The following PLEKHA1 variants were observed in gnomAD, a reference collection of about 807,000 sequenced individuals.
PLEKHA1 encodes pleckstrin homology domain containing A1.
PLEKHA1 carries 34 observed loss-of-function variants against 52.0 expected under a neutral mutation model. That is an observed-to-expected ratio of 0.65 (90% CI 0.50 to 0.87). The LOEUF is 0.87. Among genes scored for constraint, PLEKHA1 ranks in the 40% least tolerant of loss-of-function variants. PLEKHA1 has a pLI of 0.00. For synonymous variants in PLEKHA1, 163 were observed against 170.7 expected, an observed-to-expected ratio of 0.95 and a Z score of 0.35; for missense variants, 497 against 504.2, an observed-to-expected ratio of 0.99 and a Z score of 0.14.
rs774682239 is a variant in PLEKHA1 at position 122,417,883 on chromosome 10, G to C, written c.613-17G>C. The C allele has an allele frequency of 1.3e-6, 2 of 1,587,760 alleles. No individual in the cohort carries two copies. Among genetic ancestry groups the C allele is most frequent in the Non-Finnish European group, 8.6e-7 (1 of 1,157,456 alleles). On this transcript the variant is annotated splice_polypyrimidine_tract_variant and intron_variant, in intron 7 of 11. Coordinates refer to ENST00000368990, the MANE Select transcript of PLEKHA1 (RefSeq NM_001001974.4). ...TCTTAGAAACACAAGTCTTATGTCT[G>C]TGTTCATCTCTGGTAGATGAAAAAC...
intron 8 of PLEKHA1, chr10:122,422,681 A>G (rs1279099221): frequency 6.6e-6 from 1 of 152,266 alleles, no homozygotes. Context: ...TCCTGGATTT[A>G]ACTCTGGATC....
chr10:122,417,001 T>G (rs1395490261), intron 7 of PLEKHA1: 2 of 154,174 alleles, frequency 1.3e-5, no homozygotes, highest in Non-Finnish European at 2.9e-5. Flanking sequence ...TGCTCAGTTG[T>G]GTGTAGATTG....
chr10:122,405,446 C>G (rs1393736508), intron 4 of PLEKHA1, among the ~76,000 whole-genome samples: 6 of 151,640 alleles, frequency 4.0e-5, no homozygotes, highest in Admixed American at 1.3e-4. Flanking sequence ...AGAAAGTAAA[C>G]AAAACTTACA....
downstream of PLEKHA1, chr10:122,433,353 C>G (rs1334988616): frequency 1.3e-5 from 2 of 152,252 alleles, no homozygotes; most frequent in Non-Finnish European, 2.9e-5. Context: ...ATTTGCCTGG[C>G]CCATGGGGCA....
chr10:122,389,572 T>G (rs971663203), intron 1 of PLEKHA1, among the ~76,000 whole-genome samples: 1 of 152,192 alleles, frequency 6.6e-6, no homozygotes, highest in African/African-American at 2.4e-5. Context: ...TGATGGCATG[T>G]GCCTGTAATC....
At position 122,427,045 on chromosome 10, in the gene PLEKHA1, T is replaced by C. The variant is rs1434928298; in HGVS notation, c.900+14T>C. ...TCTGCGTCTTCTGTAGGTTTCCTGCTCTCTGGGGTGATACTCCCTTGCGTC... is the reference window on the plus strand; with the variant it reads ...TCTGCGTCTTCTGTAGGTTTCCTGCCCTCTGGGGTGATACTCCCTTGCGTC... On this transcript the variant is annotated intron_variant, in intron 11 of 11. Transcript: ENST00000368990. 1 of 1,605,310 alleles carries C rather than the reference T, an allele frequency of 6.2e-7. No homozygotes were observed. The highest frequency in any genetic ancestry group is 8.5e-7 in the Non-Finnish European group (1 of 1,172,270).
At position 122,406,959 on chromosome 10, in the gene PLEKHA1, G is replaced by A. The variant is rs73367716; in HGVS notation, c.342+286G>A. 1.4e-3 allele frequency among the ~76,000 whole-genome samples: 215 copies of A among 152,314 alleles called. 1 individual carries two copies. The highest frequency in any genetic ancestry group is 4.4e-3 in the African/African-American group (183 of 41,556). On this transcript the variant is annotated intron_variant, in intron 5 of 11. Coordinates refer to ENST00000368990, the MANE Select transcript of PLEKHA1 (RefSeq NM_001001974.4). ...TTCTAGGAGAAAATGCGCTTAGCAC[G>A]TAGAGTTCTACCGGGAGGATATATA...
intron 10 of PLEKHA1, among the ~76,000 whole-genome samples, chr10:122,426,203 A>G (rs575270026): frequency 6.6e-6 from 1 of 152,058 alleles, no homozygotes; most frequent in East Asian, 1.9e-4. Flanking sequence ...CTATCAGAGC[A>G]TGACCCTTTC....
intron 1 of PLEKHA1, among the ~76,000 whole-genome samples, chr10:122,378,897 T>C (rs2096575634): frequency 6.6e-6 from 1 of 152,178 alleles, no homozygotes; most frequent in South Asian, 2.1e-4. Flanking sequence ...TATGGACGGC[T>C]TGTGGTAAGC....
chr10:122,440,723 A>C, the PLEKHA1 span: 1 of 152,180 alleles, frequency 6.6e-6, no homozygotes, highest in Admixed American at 6.5e-5. Flanking sequence ...AAAGCCAAAG[A>C]CTTCAAAATT....
chr10:122,424,976 G>A lies in PLEKHA1; in HGVS notation c.810+17G>A. On this transcript the variant is annotated intron_variant, in intron 10 of 11. Transcript: ENST00000368990. ...TATGTGCAGGTAAGATGCTTATTTG[G>A]CAATTAATAGATCCTCCTAAAAAGA... is the stretch of plus-strand genomic sequence containing the variant. The A allele has an allele frequency of 1.3e-6, 2 of 1,577,332 alleles. No individual in the cohort carries two copies. Among genetic ancestry groups the A allele is most frequent in the East Asian group, 2.3e-5 (1 of 44,012 alleles).
chr10:122,420,573 T>A (rs1053521015), intron 8 of PLEKHA1: 2 of 152,198 alleles, frequency 1.3e-5, no homozygotes, highest in African/African-American at 2.4e-5. Flanking sequence ...CATTTAAAAA[T>A]TTTAAAAATA....
chr10:122,406,124 G>C (rs1006400017), intron 4 of PLEKHA1, among the ~76,000 whole-genome samples: 1 of 152,132 alleles, frequency 6.6e-6, no homozygotes, highest in Non-Finnish European at 1.5e-5. Context: ...GTATGTGGTT[G>C]GTAGGAATGT....
Position 122,377,932 on chromosome 10 carries a change from T to C in PLEKHA1, c.-21+3126T>C, listed in dbSNP as rs1004546166. Among the ~76,000 whole-genome samples, 4 of 152,246 alleles carry C rather than the reference T, an allele frequency of 2.6e-5. No individual in the cohort carries two copies. In the East Asian group the frequency reaches 7.7e-4, roughly 29 times the overall value. On this transcript the variant is annotated intron_variant, in intron 1 of 11. Coordinates refer to ENST00000368990, the MANE Select transcript of PLEKHA1 (RefSeq NM_001001974.4). ...TGGATATAAAAGAAAATTAGTCATT[T>C]AAGATTTTTTTAAGTTAAATAAGTT...
At position 122,393,246 on chromosome 10, in the gene PLEKHA1, A is replaced by G. The variant is rs1590389009; in HGVS notation, c.46A>G (p.Ile16Val). The change falls in exon 2 of 12, where the codon ATT (isoleucine) becomes GTT (valine). Residue 16 changes from isoleucine to valine, a missense_variant. By Grantham distance (29) the Ile-to-Val change is conservative. Transcript: ENST00000368990. This position sits in a 1 kb window ranked among gnomAD's most constrained non-coding sequence, Gnocchi z 4.5. ...GAATCGCATTTGTGGTTTTCTAGAC[A>G]TTGAAGAAAATGAAAACAGTGGGAA... ...RQNRICGFLD[I>V]EENENSGKFL... 6.2e-7 allele frequency: 1 copy of G among 1,612,866 alleles called. No homozygotes were observed. The highest frequency in any genetic ancestry group is 8.5e-7 in the Non-Finnish European group (1 of 1,179,436).
At position 122,393,398 on chromosome 10, in the gene PLEKHA1, T is replaced by G; in HGVS notation, c.141+57T>G. 6.7e-7 allele frequency: 1 copy of G among 1,491,702 alleles called. No individual in the cohort carries two copies. The highest frequency in any genetic ancestry group is 8.9e-7 in the Non-Finnish European group (1 of 1,121,418). 92.4% of individuals were successfully genotyped at this position (1,491,702 alleles called of 1,614,324 possible). ...AGCACAGAAAGTTGTATTTAAGTAT[T>G]TAACATACTATACAGGCTTTAGATT... On this transcript the variant is annotated intron_variant, in intron 2 of 11. Transcript: ENST00000368990. This position sits in a 1 kb window ranked among gnomAD's most constrained non-coding sequence, Gnocchi z 4.5.
At chr10:122,404,902 C>T (rs76352203) in intron 4 of PLEKHA1, among the ~76,000 whole-genome samples, 2,068 of 152,312 alleles carry the variant, frequency 0.014, 37 homozygotes, top group African/African-American at 0.047. Context: ...TTCCCCTTCT[C>T]AGTCACATTG....
At chr10:122,415,717 A>G (rs1261439911) in intron 6 of PLEKHA1, 142 bp from the exon 7 acceptor site, 6 of 776,812 alleles carry the variant, frequency 7.7e-6, no homozygotes, top group African/African-American at 3.5e-5. Flanking sequence ...AAGAGTAAGT[A>G]TCTCAGATTA....
At chr10:122,429,592 T>C (rs1462172993) in intron 11 of PLEKHA1, 32 bp from the exon 12 acceptor site, 4 of 1,599,696 alleles carry the variant, frequency 2.5e-6, no homozygotes, top group Non-Finnish European at 3.4e-6. Context: ...CATGAGTGAC[T>C]GACCGTGTCT....
Sources: gnomAD v4.1 joint callset for allele counts (sites outside exome capture counted in the v4.1 genomes callset) on GRCh38, gnomAD v4.1.1 for gene constraint, Gnocchi (gnomAD v3.1) non-coding constraint, MANE v1.5 for transcripts, NCBI Gene and HGNC (gene_info 2026-07-23, HGNC 2026-07-21) for gene names.